ANKRD18B: variants seen among roughly 807,000 people sequenced by gnomAD.
ANKRD18B encodes the protein ankyrin repeat domain 18B, also known as ankyrin repeat domain-containing protein 18B.
Under a neutral mutation model 111.8 loss-of-function variants are expected in ANKRD18B, and 75 were observed. That is an observed-to-expected ratio of 0.67 (90% CI 0.56 to 0.81). The LOEUF is 0.81. ANKRD18B is among the 40% of genes least tolerant of loss of function. The probability of loss-of-function intolerance (pLI) is 0.00; values close to 1 mark genes in which losing one functional copy is unlikely to be tolerated. For missense variants in ANKRD18B, 1,038 were observed against 1,225.5 expected, an observed-to-expected ratio of 0.85 and a Z score of 2.28; for synonymous variants, 356 against 417.3, an observed-to-expected ratio of 0.85 and a Z score of 1.79.
chr9:33,540,739 A>G (rs1828266810), intron 8 of ANKRD18B, among the ~76,000 whole-genome samples: 1 of 152,104 alleles, frequency 6.6e-6, no homozygotes, highest in South Asian at 2.1e-4. Flanking sequence ...CGATTTAAGC[A>G]GCTGAAGGCC....
rs189998269 is a variant in ANKRD18B, at chr9:33,559,750, C to T, written c.2460+1563C>T. Among the ~76,000 whole-genome samples, 18 of 152,228 alleles carry T rather than the reference C, an allele frequency of 1.2e-4. No individual in the cohort carries two copies. In the East Asian group the frequency reaches 2.5e-3, roughly 21 times the overall value. On this transcript the variant is annotated intron_variant, in intron 14 of 18. Transcript: ENST00000684830. ...GCCAGTGATCTGAAACGAAGCAGCC[C>T]ATGTCTCCAGATCACTAGTACCAAA...
chr9:33,540,491 C>A (rs1828263587), intron 8 of ANKRD18B, among the ~76,000 whole-genome samples: 1 of 152,110 alleles, frequency 6.6e-6, no homozygotes, highest in Non-Finnish European at 1.5e-5. Context: ...TAATAAATAT[C>A]CACATAGATT....
At chr9:33,550,249 T>C (rs1434297576) in intron 11 of ANKRD18B, among the ~76,000 whole-genome samples, 181 bp from the exon 12 acceptor site, 3 of 152,200 alleles carry the variant, frequency 2.0e-5, no homozygotes, top group Non-Finnish European at 4.4e-5. Flanking sequence ...TTTGGCAGAA[T>C]ATAACACCTT....
Position 33,528,717 on chromosome 9 carries a change from G to A in ANKRD18B, c.207-10G>A, listed in dbSNP as rs534390481. 35 of 1,574,124 alleles carry A rather than the reference G, an allele frequency of 2.2e-5. No homozygotes were observed. The highest frequency in any genetic ancestry group is 1.5e-4 in the African/African-American group (11 of 73,590). ...ACTACATTTCCTGAAAACCCCTCTC[G>A]CTCTCCTAGGACTGTTCTACATTTG... On this transcript the variant is annotated splice_polypyrimidine_tract_variant and intron_variant, in intron 1 of 18. Transcript: ENST00000684830.
Position 33,548,178 on chromosome 9 carries a change from G to T in ANKRD18B, c.1390G>T (p.Asp464Tyr). The T allele has an allele frequency of 6.5e-7, 1 of 1,547,700 alleles. No individual in the cohort carries two copies. The highest frequency in any genetic ancestry group is 8.7e-7 in the Non-Finnish European group (1 of 1,145,820). The part of the protein sequence containing the change: ...KVAQYSQQLN[D>Y]LKAENARLNS... Reference sequence around the variant, plus strand: ...GGCCCAGTATTCGCAACAGCTTAATGATCTGAAAGCTGAGAATGCAAGGCT... The same window carrying T: ...GGCCCAGTATTCGCAACAGCTTAATTATCTGAAAGCTGAGAATGCAAGGCT... Residue 464 changes from aspartate (D) to tyrosine (Y), a missense_variant, in exon 11 of 19, where the codon GAT becomes TAT. By Grantham distance (160) the Asp-to-Tyr change is radical (BLOSUM62 -3). Around this residue, in one of 4 missense-constraint regions of ANKRD18B, gnomAD observed 205 missense variants for 201.3 expected, o/e 1.02. Coordinates refer to ENST00000684830, the MANE Select transcript of ANKRD18B (RefSeq NM_001393611.1).
intron 13 of ANKRD18B, among the ~76,000 whole-genome samples, chr9:33,557,856 T>TAC (rs1828549862): frequency 6.6e-6 from 1 of 152,064 alleles, no homozygotes; most frequent in Non-Finnish European, 1.5e-5. Flanking sequence ...CTGCTATATA[T>TAC]ACCATAAAAT....
intron 3 of ANKRD18B, among the ~76,000 whole-genome samples, chr9:33,531,642 T>G (rs1382889274): frequency 6.6e-6 from 1 of 150,552 alleles, no homozygotes; most frequent in Non-Finnish European, 1.5e-5. Context: ...CCTTCATCCT[T>G]ATAAGTATTT....
chr9:33,531,699 G>C (rs191579526), intron 3 of ANKRD18B, among the ~76,000 whole-genome samples: 2 of 150,880 alleles, frequency 1.3e-5, no homozygotes, highest in East Asian at 1.9e-4. Flanking sequence ...AAGATTTCAA[G>C]GTTTTCAAGA....
At chr9:33,572,047 T>G (rs1048893899) in intron 18 of ANKRD18B, 4 of 439,772 alleles carry the variant, frequency 9.1e-6, no homozygotes, top group African/African-American at 8.1e-5. Flanking sequence ...CCATGCCATC[T>G]TCATCTTGTA....
chr9:33,545,338 A>G (rs1051300337), intron 10 of ANKRD18B, among the ~76,000 whole-genome samples: 4 of 152,194 alleles, frequency 2.6e-5, no homozygotes, highest in African/African-American at 9.6e-5. Flanking sequence ...TATAACCCAA[A>G]ATACCACAGA....
chr9:33,568,854 C>G lies in ANKRD18B; in HGVS notation c.3138C>G (p.Asn1046Lys). Residue 1046 changes from asparagine (N) to lysine (K), a missense_variant, in exon 17 of 19, where the codon AAC (asparagine) becomes AAG (lysine). Physicochemically the swap from Asn to Lys is moderately conservative, Grantham distance 94. Around this residue, in one of 4 missense-constraint regions of ANKRD18B, gnomAD observed 524 missense variants for 677.9 expected, o/e 0.77. Transcript: ENST00000684830. ...PKMAIRIPTSNPQTSNNCKNS... is the reference protein window; with the variant it reads ...PKMAIRIPTSKPQTSNNCKNS... ...TGGCCATAAGAATTCCTACTTCAAA[C>G]CCACAGACTTCAAATAACTGCAAGA... 6.4e-7 allele frequency: 1 copy of G among 1,551,268 alleles called. No individual in the cohort carries two copies. The highest frequency in any genetic ancestry group is 8.7e-7 in the Non-Finnish European group (1 of 1,146,710).
At chr9:33,556,386 C>T (rs1268278358) in intron 13 of ANKRD18B, among the ~76,000 whole-genome samples, 9 of 151,418 alleles carry the variant, frequency 5.9e-5, no homozygotes. Flanking sequence ...GCCTCAGCCT[C>T]CTGAGTAGCT....
At chr9:33,559,467 A>G (rs181917969) in intron 14 of ANKRD18B, among the ~76,000 whole-genome samples, 2 of 152,212 alleles carry the variant, frequency 1.3e-5, no homozygotes, top group South Asian at 4.2e-4. Context: ...AAACCACATT[A>G]TAAGAGTTAA....
chr9:33,574,176 C>T (rs1828825488), downstream of ANKRD18B, among the ~76,000 whole-genome samples: 1 of 110,930 alleles, frequency 9.0e-6, no homozygotes. Flanking sequence ...TCAGTGGGGA[C>T]CAGGTCAGTG....
chr9:33,555,247 G>A (rs976753427), intron 12 of ANKRD18B, among the ~76,000 whole-genome samples: 6 of 152,278 alleles, frequency 3.9e-5, no homozygotes, highest in African/African-American at 1.2e-4. Flanking sequence ...GAGAATGACA[G>A]TATTTAGCTC....
At chr9:33,529,858 G>A (rs1828085566) in intron 3 of ANKRD18B, among the ~76,000 whole-genome samples, 1 of 152,144 alleles carries the variant, frequency 6.6e-6, no homozygotes, top group Non-Finnish European at 1.5e-5. Flanking sequence ...GTGATGAAGT[G>A]AGAAACACTT....
downstream of ANKRD18B, among the ~76,000 whole-genome samples, chr9:33,575,180 T>A (rs1032570358): frequency 1.3e-5 from 2 of 152,210 alleles, no homozygotes; most frequent in African/African-American, 4.8e-5. Context: ...AATTCCATTC[T>A]GCATCTCCTC....
rs755255028 is a variant in ANKRD18B, at chr9:33,547,996, G to T, written c.1208G>T (p.Arg403Ile). The change falls in exon 11 of 19, where the codon AGA (arginine) becomes ATA (isoleucine). Residue 403 changes from arginine to isoleucine, a missense_variant. By Grantham distance (97) the Arg-to-Ile change is moderately conservative (BLOSUM62 -3). Coordinates refer to ENST00000684830, the MANE Select transcript of ANKRD18B (RefSeq NM_001393611.1). Reference sequence around the variant, plus strand: ...ATGTTTGGAAATTTTATGTTGAAGAGAGACATTGCCATGCTCAAAGAGGAA... The same window carrying T: ...ATGTTTGGAAATTTTATGTTGAAGATAGACATTGCCATGCTCAAAGAGGAA... ...DEMFGNFMLK[R>I]DIAMLKEELY... 6.7e-7 allele frequency: 1 copy of T among 1,488,380 alleles called. No individual in the cohort carries two copies. The highest frequency in any genetic ancestry group is 1.4e-5 in the South Asian group (1 of 72,664). 92.2% of individuals were successfully genotyped at this position (1,488,380 alleles called of 1,614,324 possible). A position where few individuals can be genotyped will look rare whatever the true frequency, so the allele number is the denominator to read the frequency against.
At position 33,534,374 on chromosome 9, in the gene ANKRD18B, G is replaced by T; in HGVS notation, c.607G>T (p.Ala203Ser). 1 of 1,538,566 alleles carries T rather than the reference G, an allele frequency of 6.5e-7. No homozygotes were observed. Among genetic ancestry groups the T allele is most frequent in the Non-Finnish European group, 8.7e-7 (1 of 1,143,250 alleles). ...GTTATTTCTTTATTGTTTTAGAACA[G>T]CCCTCATACTTGCAGTACAGCATAA... ...IHAVDNFKRT[A>S]LILAVQHNLS... The change falls in exon 5 of 19, where the codon GCC (alanine) becomes TCC (serine). Residue 203 changes from alanine to serine, a missense_variant. Ala to Ser is a moderately conservative substitution (Grantham distance 99). Transcript: ENST00000684830.
Sources: allele counts gnomAD v4.1 joint callset (sites outside exome capture counted in the v4.1 genomes callset), GRCh38; gene constraint gnomAD v4.1.1; regional missense constraint gnomAD v4.1.1; transcripts MANE v1.5; gene names NCBI Gene and HGNC (gene_info 2026-07-23, HGNC 2026-07-21).